Variants in ATP8A2 observed in about 807,000 individuals in gnomAD.
ATP8A2 encodes ATPase phospholipid transporting 8A2.
ATP8A2 carries 100 observed loss-of-function variants against 165.6 expected under a neutral mutation model. That is an observed-to-expected ratio of 0.60 (90% confidence interval 0.51 to 0.71). ATP8A2 has a LOEUF of 0.71. ATP8A2 is among the 30% of genes least tolerant of loss of function. The pLI is 0.00. For missense variants in ATP8A2, 1,227 were observed against 1,479.5 expected, an observed-to-expected ratio of 0.83 and a Z score of 2.80; for synonymous variants, 543 against 548.8, an observed-to-expected ratio of 0.99 and a Z score of 0.15.
chr13:25,516,299 A>G (rs1456865399), intron 2 of ATP8A2, among the ~76,000 whole-genome samples: 1 of 152,038 alleles, frequency 6.6e-6, no homozygotes, highest in African/African-American at 2.4e-5. Context: ...TGAGGGCAAA[A>G]GCGTTTGGGA....
chr13:25,605,231 A>G (rs891781344), intron 24 of ATP8A2, among the ~76,000 whole-genome samples: 1 of 152,176 alleles, frequency 6.6e-6, no homozygotes, highest in Non-Finnish European at 1.5e-5. Flanking sequence ...AAGGTAACTT[A>G]TGTAGACCTG....
At chr13:25,988,013 A>G (rs544431513) in intron 35 of ATP8A2, among the ~76,000 whole-genome samples, 15 of 152,354 alleles carry the variant, frequency 9.8e-5, no homozygotes, top group African/African-American at 3.6e-4. Flanking sequence ...AGAAGTTTTC[A>G]TATATTTAGC....
At chr13:25,822,811 A>C (rs1405069753) in intron 27 of ATP8A2, among the ~76,000 whole-genome samples, 1 of 152,228 alleles carries the variant, frequency 6.6e-6, no homozygotes, top group African/African-American at 2.4e-5. Flanking sequence ...TTTCACATAG[A>C]GCAAAATAAT....
intron 25 of ATP8A2, among the ~76,000 whole-genome samples, chr13:25,722,108 G>T (rs560904946): frequency 2.0e-4 from 31 of 152,244 alleles, no homozygotes; most frequent in African/African-American, 7.5e-4. Context: ...TGCCAATGCT[G>T]GTATGTGACT....
intron 25 of ATP8A2, among the ~76,000 whole-genome samples, chr13:25,737,950 C>T (rs1412135154): frequency 1.3e-5 from 2 of 152,214 alleles, no homozygotes; most frequent in Non-Finnish European, 2.9e-5. Context: ...TCCCAAAGTG[C>T]TGGGATTACA....
chr13:25,473,410 A>G (rs1287470134), intron 2 of ATP8A2, among the ~76,000 whole-genome samples: 1 of 152,222 alleles, frequency 6.6e-6, no homozygotes, highest in Non-Finnish European at 1.5e-5. Flanking sequence ...CATCCTCTGG[A>G]AATGAATAGT....
intron 1 of ATP8A2, among the ~76,000 whole-genome samples, chr13:25,420,797 A>C (rs2034277377): frequency 6.6e-6 from 1 of 152,218 alleles, no homozygotes; most frequent in African/African-American, 2.4e-5. Context: ...ATCGATATCC[A>C]TGCAGGCAAC....
chr13:25,666,251 C>T (rs946032517), intron 24 of ATP8A2, among the ~76,000 whole-genome samples: 8 of 152,140 alleles, frequency 5.3e-5, no homozygotes, highest in Non-Finnish European at 1.2e-4. Flanking sequence ...TGCTCTGTCA[C>T]CCAGGCTGGA....
At chr13:25,657,454 G>A (rs1408661992) in intron 24 of ATP8A2, among the ~76,000 whole-genome samples, 2 of 152,232 alleles carry the variant, frequency 1.3e-5, no homozygotes, top group East Asian at 1.9e-4. Flanking sequence ...GGCCAGATGG[G>A]GACTGTCACC....
chr13:25,991,689 C>T (rs538507962), intron 35 of ATP8A2, among the ~76,000 whole-genome samples: 1 of 152,288 alleles, frequency 6.6e-6, no homozygotes, highest in South Asian at 2.1e-4. Context: ...TTCCTGTTTA[C>T]TGCTGAGTAA....
rs544525832 is a variant in ATP8A2 at position 25,540,663 on chromosome 13, G to A, written c.651+275G>A. Among the ~76,000 whole-genome samples, 5 of 152,190 alleles carry A rather than the reference G, an allele frequency of 3.3e-5. No homozygotes were observed. The East Asian group carries it at 7.7e-4, about 24-fold the overall frequency. ...TGATGCTGGAGAGAGGGGACATCTC[G>A]ATGAAGCTGAGTGGCTGGGAAGGAC... On this transcript the variant is annotated intron_variant, in intron 8 of 36. Coordinates refer to ENST00000381655, the MANE Select transcript of ATP8A2 (RefSeq NM_016529.6).
chr13:25,400,798 C>T (rs753228712), intron 1 of ATP8A2, among the ~76,000 whole-genome samples: 35 of 152,106 alleles, frequency 2.3e-4, no homozygotes, highest in Non-Finnish European at 3.4e-4. Flanking sequence ...TACTGGCTTA[C>T]GGGAAGGCCT....
In ATP8A2 at chr13:25,651,255, C is replaced by A. The variant is rs372987546; in HGVS notation, c.2212-47918C>A. ...GTCAAGAGATCGAGACCATCCTGGC[C>A]AACATGGTGAAAACCCATCTCTACT... On this transcript the variant is annotated intron_variant, in intron 24 of 36. Coordinates refer to ENST00000381655, the MANE Select transcript of ATP8A2 (RefSeq NM_016529.6). Among the ~76,000 whole-genome samples the A allele has an allele frequency of 1.1e-4, 16 of 152,128 alleles. No individual in the cohort carries two copies. The South Asian group carries it at 2.9e-3, about 28-fold the overall frequency.
At chr13:25,424,402 C>A (rs1053752200) in intron 1 of ATP8A2, among the ~76,000 whole-genome samples, 1 of 152,136 alleles carries the variant, frequency 6.6e-6, no homozygotes, top group South Asian at 2.1e-4. Flanking sequence ...GGTGGGTTGG[C>A]GTTCCAGCCA....
At chr13:25,823,378 G>A (rs1951229088) in intron 27 of ATP8A2, among the ~76,000 whole-genome samples, 2 of 151,944 alleles carry the variant, frequency 1.3e-5, no homozygotes, top group Admixed American at 1.3e-4. Flanking sequence ...TATCTTATAT[G>A]TAGCATATAT....
At chr13:25,467,027 C>T (rs1007487463) in intron 1 of ATP8A2, among the ~76,000 whole-genome samples, 8 of 152,198 alleles carry the variant, frequency 5.3e-5, no homozygotes, top group African/African-American at 1.7e-4. Flanking sequence ...GATTGAAGTC[C>T]GGGAGCCCCA....
intron 24 of ATP8A2, among the ~76,000 whole-genome samples, chr13:25,606,794 T>G (rs2138407492): frequency 6.6e-6 from 1 of 152,326 alleles, no homozygotes; most frequent in African/African-American, 2.4e-5. Flanking sequence ...TCACATGTGG[T>G]TATTAATCAC....
intron 24 of ATP8A2, among the ~76,000 whole-genome samples, chr13:25,659,407 C>A (rs1006963184): frequency 4.9e-4 from 74 of 152,246 alleles, no homozygotes; most frequent in African/African-American, 1.7e-3. Context: ...ATGCCAGGCG[C>A]CTTTCAATGG....
At chr13:25,901,592 C>G (rs1478225244) in intron 33 of ATP8A2, among the ~76,000 whole-genome samples, 1 of 152,010 alleles carries the variant, frequency 6.6e-6, no homozygotes, top group East Asian at 1.9e-4. Flanking sequence ...ATTTGTTTTT[C>G]CATTATTTTT....
Sources: allele counts gnomAD v4.1 joint callset (sites outside exome capture counted in the v4.1 genomes callset), GRCh38; gene constraint gnomAD v4.1.1; transcripts MANE v1.5; gene names NCBI Gene and HGNC (gene_info 2026-07-23, HGNC 2026-07-21).